The following GALNT18 variants were observed in gnomAD, a reference collection of about 807,000 sequenced individuals.
GALNT18 encodes GalNAc-transferase 18.
A neutral mutation model predicts 69.5 loss-of-function variants in GALNT18; 44 were observed. The observed-to-expected ratio is 0.63, with a 90% CI of 0.50 to 0.81. The LOEUF is 0.81. Ranked by LOEUF, GALNT18 falls within the 40% of genes least tolerant of loss-of-function variation. The probability of loss-of-function intolerance (pLI) is 0.00; values close to 1 mark genes in which losing one functional copy is unlikely to be tolerated. For missense variants in GALNT18, 715 were observed against 810.0 expected (o/e 0.88, Z 1.42); for synonymous variants, 364 against 318.2 (o/e 1.14, Z -1.53).
rs894279008 is a variant in GALNT18 at position 11,621,086 on chromosome 11, G to A, written c.235+273C>T. On this transcript the variant is annotated intron_variant, in intron 1 of 10. Transcript: ENST00000227756. The surrounding 1 kb of genome is among the most constrained non-coding windows in gnomAD (Gnocchi z 9.3). Reference sequence around the variant, plus strand: ...CAGAGTCACACGCACATTTGGACACGTGCGCAGCGCGCCCCCATACCGCCA... The same window carrying A: ...CAGAGTCACACGCACATTTGGACACATGCGCAGCGCGCCCCCATACCGCCA... 1.3e-5 allele frequency among the ~76,000 whole-genome samples: 2 copies of A among 152,166 alleles called. No homozygotes were observed. The highest frequency in any genetic ancestry group is 4.8e-5 in the African/African-American group (2 of 41,428).
rs1453487181 is a variant in GALNT18 at position 11,541,240 on chromosome 11, C to T, written c.235+80119G>A. ...CAGCCCAGTGCCATGCAAATAATCG[C>T]CTGTGTTTTTGTGAACACTTTAGAC... On this transcript the variant is annotated intron_variant, in intron 1 of 10. Coordinates refer to ENST00000227756, the MANE Select transcript of GALNT18 (RefSeq NM_198516.3). The surrounding 1 kb of genome is among the most constrained non-coding windows in gnomAD (Gnocchi z 4.8). Among the ~76,000 whole-genome samples, 1 of 152,160 alleles carries T rather than the reference C, an allele frequency of 6.6e-6. No individual in the cohort carries two copies. Among genetic ancestry groups the T allele is most frequent in the East Asian group, 1.9e-4 (1 of 5,188 alleles).
At chr11:11,588,647 T>C (rs7108481) in intron 1 of GALNT18, among the ~76,000 whole-genome samples, 3,776 of 152,264 alleles carry the variant, frequency 0.025, 161 homozygotes, top group African/African-American at 0.087. Context: ...CCAGGTCAGC[T>C]CCAGGCTCAG....
At chr11:11,290,603 C>T (rs923181608) in intron 10 of GALNT18, among the ~76,000 whole-genome samples, 1 of 152,208 alleles carries the variant, frequency 6.6e-6, no homozygotes, top group Non-Finnish European at 1.5e-5. Context: ...CATGCTGTTT[C>T]CTCTCCCTGG....
At chr11:11,482,256 C>T (rs1856547449) in intron 1 of GALNT18, among the ~76,000 whole-genome samples, 1 of 152,246 alleles carries the variant, frequency 6.6e-6, no homozygotes, top group Non-Finnish European at 1.5e-5. Flanking sequence ...CTGCCATCCT[C>T]CCCCAGCTGT....
intron 1 of GALNT18, among the ~76,000 whole-genome samples, chr11:11,607,790 C>G (rs1022737405): frequency 5.3e-5 from 8 of 152,144 alleles, no homozygotes; most frequent in Admixed American, 2.0e-4. Context: ...AAGACACTCT[C>G]CACCAAGGAG....
At chr11:11,296,350 A>G (rs1849401062) in intron 9 of GALNT18, among the ~76,000 whole-genome samples, 1 of 152,154 alleles carries the variant, frequency 6.6e-6, no homozygotes, top group Admixed American at 6.5e-5. Flanking sequence ...AACTGTGTGG[A>G]GCCTCAGCCT....
At position 11,582,764 on chromosome 11, in the gene GALNT18, C is replaced by T. The variant is rs1018179734; in HGVS notation, c.235+38595G>A. ...ATCAAAGGTGATGCAACTTATTCTT[C>T]CTACAATTAATAATCATTACAGGGC... is the stretch of plus-strand genomic sequence containing the variant. On this transcript the variant is annotated intron_variant, in intron 1 of 10. Coordinates refer to ENST00000227756, the MANE Select transcript of GALNT18 (RefSeq NM_198516.3). The surrounding 1 kb of genome is among the most constrained non-coding windows in gnomAD (Gnocchi z 5.0). 1.3e-5 allele frequency among the ~76,000 whole-genome samples: 2 copies of T among 152,184 alleles called. No individual in the cohort carries two copies. Among genetic ancestry groups the T allele is most frequent in the Admixed American group, 6.5e-5 (1 of 15,286 alleles).
At chr11:11,506,016 G>T (rs768151206) in intron 1 of GALNT18, among the ~76,000 whole-genome samples, 1 of 152,182 alleles carries the variant, frequency 6.6e-6, no homozygotes, top group Non-Finnish European at 1.5e-5. Context: ...GAGGTTTCCT[G>T]CAGTCACCCT....
chr11:11,336,876 G>A (rs537654226), intron 7 of GALNT18, among the ~76,000 whole-genome samples: 42 of 152,318 alleles, frequency 2.8e-4, no homozygotes, highest in African/African-American at 1.0e-3. Flanking sequence ...GTGAACAAGT[G>A]TGAGGCACGG....
At chr11:11,362,416 G>A (rs1279486628) in intron 6 of GALNT18, among the ~76,000 whole-genome samples, 1 of 152,082 alleles carries the variant, frequency 6.6e-6, no homozygotes, top group East Asian at 1.9e-4. Flanking sequence ...GTAATAAACT[G>A]GGAGAAAATA....
chr11:11,276,031 A>C (rs1393530926), intron 10 of GALNT18, among the ~76,000 whole-genome samples: 1 of 152,156 alleles, frequency 6.6e-6, no homozygotes, highest in African/African-American at 2.4e-5. Context: ...TTTTGGTTCC[A>C]TATGAACTTT....
At chr11:11,292,904 C>T in intron 10 of GALNT18, 125 bp downstream of exon 10, 2 of 830,560 alleles carry the variant, frequency 2.4e-6, no homozygotes, top group Admixed American at 7.0e-5. Context: ...GGAGCCACAG[C>T]CTCACTACTG....
In GALNT18 at chr11:11,462,411, C is replaced by G. The variant is rs148002424; in HGVS notation, c.236-13475G>C. On this transcript the variant is annotated intron_variant, in intron 1 of 10. Transcript: ENST00000227756. The stretch of plus-strand genomic sequence containing the variant: ...CCCACCTCAGCCTCCCTTGTAGCTG[C>G]GGTTACAGGCTCCTGCCACCACACC... 4.6e-3 allele frequency among the ~76,000 whole-genome samples: 695 copies of G among 151,736 alleles called. 4 individuals are homozygous for G. Among genetic ancestry groups the G allele is most frequent in the African/African-American group, 0.016 (651 of 41,372 alleles).
chr11:11,301,137 A>C (rs1416838961), intron 9 of GALNT18, among the ~76,000 whole-genome samples: 1 of 152,102 alleles, frequency 6.6e-6, no homozygotes, highest in Non-Finnish European at 1.5e-5. Context: ...GCAATGCCTC[A>C]CCCTCTCATC....
chr11:11,506,724 C>T (rs1857075969), intron 1 of GALNT18, among the ~76,000 whole-genome samples: 1 of 152,178 alleles, frequency 6.6e-6, no homozygotes, highest in Non-Finnish European at 1.5e-5. Context: ...GACTATGCTG[C>T]TTCCAGATAC....
chr11:11,558,675 C>T (rs181150156), intron 1 of GALNT18, among the ~76,000 whole-genome samples: 28 of 152,308 alleles, frequency 1.8e-4, no homozygotes, highest in African/African-American at 6.0e-4. Context: ...GGATAAAGCT[C>T]CCCTCTTCTG....
intron 9 of GALNT18, among the ~76,000 whole-genome samples, chr11:11,312,537 G>A (rs141189055): frequency 6.6e-6 from 1 of 152,142 alleles, no homozygotes; most frequent in African/African-American, 2.4e-5. Flanking sequence ...GAAGAGGAGG[G>A]GTTGTCTTGC....
chr11:11,274,942 T>G (rs1038344867), intron 10 of GALNT18, among the ~76,000 whole-genome samples: 1 of 152,262 alleles, frequency 6.6e-6, no homozygotes, highest in Admixed American at 6.5e-5. Flanking sequence ...TTATCCAGTC[T>G]AGTGTTGATG....
At chr11:11,282,777 C>T (rs1021105935) in intron 10 of GALNT18, among the ~76,000 whole-genome samples, 22 of 152,158 alleles carry the variant, frequency 1.4e-4, no homozygotes, top group African/African-American at 5.3e-4. Context: ...TTAATGAGCA[C>T]CTACCATTCT....
Sources: allele counts gnomAD v4.1 joint callset (sites outside exome capture counted in the v4.1 genomes callset), GRCh38; gene constraint gnomAD v4.1.1; non-coding constraint Gnocchi (gnomAD v3.1); transcripts MANE v1.5; gene names NCBI Gene and HGNC (gene_info 2026-07-23, HGNC 2026-07-21).